The following IRAG1 variants were observed in gnomAD, a reference collection of about 807,000 sequenced individuals.
The protein encoded by IRAG1 is IP3R-associated cGMP kinase substrate.
Under a neutral mutation model 106.2 loss-of-function variants are expected in IRAG1, and 62 were observed. The observed-to-expected ratio is 0.58, with a 90% CI of 0.48 to 0.72. The LOEUF (loss-of-function observed/expected upper bound fraction) is 0.72. IRAG1 is among the 30% of genes least tolerant of loss of function. IRAG1 has a pLI of 0.00. For synonymous variants in IRAG1, 462 were observed against 443.9 expected, an observed-to-expected ratio of 1.04 and a Z score of -0.51; for missense variants, 1,064 against 1,140.7, an observed-to-expected ratio of 0.93 and a Z score of 0.97.
intron 13 of IRAG1, 145 bp from the exon 14 acceptor site, chr11:10,603,396 C>T: frequency 1.2e-6 from 1 of 826,348 alleles, no homozygotes; most frequent in Non-Finnish European, 1.9e-6. Context: ...GGGGATGAAA[C>T]TCTTCCACCT....
In IRAG1 at chr11:10,626,403, T is replaced by A. The variant is rs1856248459; in HGVS notation, c.931A>T (p.Asn311Tyr). The change falls in exon 9 of 21, where the codon AAC becomes TAC. Residue 311 changes from asparagine (N) to tyrosine (Y), a missense_variant. Asn to Tyr is a moderately radical substitution (Grantham distance 143, BLOSUM62 -2). Coordinates refer to ENST00000423302, the MANE Select transcript of IRAG1 (RefSeq NM_130385.4). Reference protein sequence around the residue: ...TTPKGLAPVTNSSGKMALNSP... With the variant: ...TTPKGLAPVTYSSGKMALNSP... ...TTCAGGGCCATTTTCCCACTGCTGT[T>A]TGTAACAGGAGCTAGGCCTTTGGGT... is the stretch of plus-strand genomic sequence containing the variant. 1 of 1,613,936 alleles carries A rather than the reference T, an allele frequency of 6.2e-7. No homozygotes were observed. The highest frequency in any genetic ancestry group is 8.5e-7 in the Non-Finnish European group (1 of 1,179,868).
chr11:10,677,864 A>G (rs1303165564), intron 1 of IRAG1, among the ~76,000 whole-genome samples: 1 of 152,214 alleles, frequency 6.6e-6, no homozygotes. Flanking sequence ...TAGTTATATG[A>G]ATGCAACCAT....
intron 18 of IRAG1, among the ~76,000 whole-genome samples, chr11:10,582,274 C>T (rs1401042221): frequency 2.0e-5 from 3 of 152,100 alleles, no homozygotes; most frequent in African/African-American, 2.4e-5. Context: ...TGATCTACAG[C>T]GCTGAGATGA....
chr11:10,612,235 C>T (rs1450649051), intron 10 of IRAG1, among the ~76,000 whole-genome samples: 4 of 152,146 alleles, frequency 2.6e-5, no homozygotes, highest in Admixed American at 1.3e-4. Flanking sequence ...AATAAACCTA[C>T]GGACAGCTTG....
Position 10,603,297 on chromosome 11 carries a change from TGG to T in IRAG1, c.1744-48_1744-47del, listed in dbSNP as rs536857635. 1,202 of 1,602,616 alleles carry T rather than the reference TGG, an allele frequency of 7.5e-4. 7 individuals carry two copies. The highest frequency in any genetic ancestry group is 1.3e-4 in the Non-Finnish European group (154 of 1,172,414). ...CACCTGGGGTCCTCAAATAATGTTA[TGG>T]ACTAAATCAGCAGTCCCCAACCTTT... On this transcript the variant is annotated intron_variant, in intron 13 of 20. Transcript: ENST00000423302.
In IRAG1 at chr11:10,623,834, T is replaced by C; in HGVS notation, c.1391A>G (p.Gln464Arg). The C allele has an allele frequency of 6.2e-7, 1 of 1,614,060 alleles. No homozygotes were observed. Among genetic ancestry groups the C allele is most frequent in the Non-Finnish European group, 8.5e-7 (1 of 1,179,890 alleles). ...LREEHILMRNQNLVGLKLPDL... is the reference protein window; with the variant it reads ...LREEHILMRNRNLVGLKLPDL... ...TGGAAGCTTGAGCCCCACTAAGTTC[T>C]GATTTCTCATCAGGATGTGCTCCTT... The change falls in exon 10 of 21, where the codon CAG (glutamine) becomes CGG (arginine). Residue 464 changes from glutamine to arginine, a missense_variant. Coordinates refer to ENST00000423302, the MANE Select transcript of IRAG1 (RefSeq NM_130385.4).
At chr11:10,609,304 A>G (rs1854743587) in intron 11 of IRAG1, among the ~76,000 whole-genome samples, 1 of 152,148 alleles carries the variant, frequency 6.6e-6, no homozygotes, top group South Asian at 2.1e-4. Flanking sequence ...GTGCTTTGGG[A>G]GGCCGAGGTA....
intron 15 of IRAG1, among the ~76,000 whole-genome samples, chr11:10,596,019 A>C (rs148797888): frequency 0.01 from 1,548 of 152,332 alleles, 34 homozygotes; most frequent in African/African-American, 0.035. Context: ...CCTGCAAAAG[A>C]GGTGATCTCA....
At chr11:10,676,355 C>T (rs1023431864) in intron 1 of IRAG1, among the ~76,000 whole-genome samples, 6 of 152,202 alleles carry the variant, frequency 3.9e-5, no homozygotes, top group East Asian at 1.9e-4. Flanking sequence ...GCTGCATTTT[C>T]GCCCATGCGG....
At chr11:10,688,909 C>T (rs1029302731) in intron 1 of IRAG1, among the ~76,000 whole-genome samples, 3 of 152,208 alleles carry the variant, frequency 2.0e-5, no homozygotes, top group South Asian at 4.1e-4. Flanking sequence ...TTCTTGCCCT[C>T]TCTGTGCCCC....
rs183625231 is a variant in IRAG1, at chr11:10,628,600, C to A, written c.652+151G>T. On this transcript the variant is annotated intron_variant, in intron 6 of 20. Coordinates refer to ENST00000423302, the MANE Select transcript of IRAG1 (RefSeq NM_130385.4). This position sits in a 1 kb window ranked among gnomAD's most constrained non-coding sequence, Gnocchi z 4.1. ...TCTGGGTGGCCCAGCAAATGCCCCC[C>A]CTGGAGAGGGGTCTTGCTCTGGGTG... 9.3e-4 allele frequency: 610 copies of A among 657,310 alleles called. 2 individuals are homozygous for A. The highest frequency in any genetic ancestry group is 7.9e-3 in the Middle Eastern group (19 of 2,398). The allele number at this position is 657,310 out of a possible 1,614,324, so 40.7% of individuals were successfully genotyped here. A position where few individuals can be genotyped will look rare whatever the true frequency, so the allele number is the denominator to read the frequency against.
At chr11:10,687,688 C>T (rs1861762633) in intron 1 of IRAG1, 7 of 1,288,072 alleles carry the variant, frequency 5.4e-6, no homozygotes, top group African/African-American at 4.6e-5. Flanking sequence ...CACCACTCTC[C>T]TTGCGGTGTT....
Position 10,576,365 on chromosome 11 carries a change from T to TGAGCTCCACCAGGAGTCCC in IRAG1, c.2687_2705dup (p.Gln905LeufsTer9). On this transcript the variant is annotated frameshift_variant, in exon 21 of 21. Transcript: ENST00000423302. LOFTEE classifies it high-confidence loss of function. ...CTGTAGGCTGCTCATGCTGGAGTCC[T>TGAGCTCCACCAGGAGTCCC]GAGCTCCACCAGGAGTCCCTCTGGG... 6.2e-7 allele frequency: 1 copy of TGAGCTCCACCAGGAGTCCC among 1,613,978 alleles called. No individual in the cohort carries two copies. The highest frequency in any genetic ancestry group is 8.5e-7 in the Non-Finnish European group (1 of 1,179,872).
intron 18 of IRAG1, among the ~76,000 whole-genome samples, chr11:10,585,639 T>A (rs927812313): frequency 3.0e-4 from 45 of 152,096 alleles, no homozygotes; most frequent in African/African-American, 1.1e-3. Context: ...AGTGAGAGAA[T>A]GTGTATGATC....
At chr11:10,645,073 T>A (rs542229228) in intron 2 of IRAG1, among the ~76,000 whole-genome samples, 2 of 152,300 alleles carry the variant, frequency 1.3e-5, no homozygotes, top group African/African-American at 2.4e-5. Context: ...TGGTAGTAAA[T>A]CTACCAGGAA....
Position 10,626,010 on chromosome 11 carries a change from G to A in IRAG1, c.1324C>T (p.Gln442Ter). Residue 442 changes from glutamine (Q) to a stop codon, truncating the protein, a stop_gained, in exon 9 of 21, where the codon CAA becomes TAA. Coordinates refer to ENST00000423302, the MANE Select transcript of IRAG1 (RefSeq NM_130385.4). LOFTEE classifies it high-confidence loss of function. ...TTCTGCATCCGCACGGGCTGCACTT[G>A]TATCTGAAAGTCTTTGAGACCAGGG... ...KAPGLKDFQI[Q>*]VQPVRMQKLT... is the part of the protein sequence containing the mutation. The A allele has an allele frequency of 6.6e-7, 1 of 1,505,994 alleles. No individual in the cohort carries two copies. Among genetic ancestry groups the A allele is most frequent in the Non-Finnish European group, 8.9e-7 (1 of 1,127,454 alleles). The allele number at this position is 1,505,994 out of a possible 1,614,324, so 93.3% of individuals were successfully genotyped here.
At chr11:10,594,316 G>A in intron 15 of IRAG1, 121 bp from the exon 16 acceptor site, 1 of 891,362 alleles carries the variant, frequency 1.1e-6, no homozygotes, top group Non-Finnish European at 1.7e-6. Context: ...ATAGCCCAAG[G>A]GTCTGGGTGT....
rs953818325 is a variant in IRAG1, at chr11:10,574,981, C to T, written c.*1351G>A. 1 of 152,042 alleles carries T rather than the reference C, an allele frequency of 6.6e-6. No individual in the cohort carries two copies. Among genetic ancestry groups the T allele is most frequent in the African/African-American group, 2.4e-5 (1 of 41,396 alleles). 9.4% of individuals were successfully genotyped at this position (152,042 alleles called of 1,614,324 possible). A position where few individuals can be genotyped will look rare whatever the true frequency, so the allele number is the denominator to read the frequency against. Reference sequence around the variant, plus strand: ...TTTTTCTTCAGGACTTAAATGAATTCATACCTATGTAATACTGAGAACAGT... The same window carrying T: ...TTTTTCTTCAGGACTTAAATGAATTTATACCTATGTAATACTGAGAACAGT... On this transcript the variant is annotated 3_prime_UTR_variant, in exon 21 of 21. Coordinates refer to ENST00000423302, the MANE Select transcript of IRAG1 (RefSeq NM_130385.4).
At chr11:10,643,123 C>CG (rs201003605) in intron 2 of IRAG1, among the ~76,000 whole-genome samples, 2,750 of 131,418 alleles carry the variant, frequency 0.021, 93 homozygotes, top group African/African-American at 0.074. Context: ...TACAGTGAGC[C>CG]TGATCGTGCC....
Sources: allele counts gnomAD v4.1 joint callset (sites outside exome capture counted in the v4.1 genomes callset), GRCh38; gene constraint gnomAD v4.1.1; non-coding constraint Gnocchi (gnomAD v3.1); transcripts MANE v1.5; gene names NCBI Gene and HGNC (gene_info 2026-07-23, HGNC 2026-07-21).